RPRD2: variants seen among roughly 807,000 people sequenced by gnomAD.
RPRD2 encodes regulation of nuclear pre-mRNA domain-containing protein 2.
Under a neutral mutation model 104.4 loss-of-function variants are expected in RPRD2, and 12 were observed. That is an observed-to-expected ratio of 0.11 (90% CI 0.07 to 0.19). The LOEUF is 0.19. Ranked by LOEUF, RPRD2 falls within the 10% of genes least tolerant of loss-of-function variation. The pLI is 1.00. For synonymous variants in RPRD2, 714 were observed against 684.9 expected, an observed-to-expected ratio of 1.04 and a Z score of -0.66; for missense variants, 1,543 against 1,790.1, an observed-to-expected ratio of 0.86 and a Z score of 2.49.
chr1:150,460,061 C>T lies in RPRD2; in HGVS notation c.1155C>T (p.Val385=), dbSNP rs782476197. 6.2e-6 allele frequency: 10 copies of T among 1,613,416 alleles called. No individual in the cohort carries two copies. The highest frequency in any genetic ancestry group is 4.4e-5 in the South Asian group (4 of 91,056). ...DVEDDGSKII[V]EDRKEKPAEK... ...TATCTCTTTTCTTTGTTGAAACAGT[C>T]GAGGACAGGAAGGAAAAACCTGCAG... The change falls in exon 9 of 11, where the codon GTC becomes GTT. Residue 385 remains valine, a splice_region_variant and synonymous_variant. Coordinates refer to ENST00000369068, the MANE Select transcript of RPRD2 (RefSeq NM_015203.5).
chr1:150,372,506 G>C (rs1776281), intron 1 of RPRD2, among the ~76,000 whole-genome samples: 77 of 150,206 alleles, frequency 5.1e-4, no homozygotes, highest in African/African-American at 4.6e-4. Flanking sequence ...CACACACACA[G>C]ACACACACAC....
chr1:150,464,118 T>C (rs1187127536), intron 9 of RPRD2, among the ~76,000 whole-genome samples: 29 of 152,172 alleles, frequency 1.9e-4, no homozygotes, highest in Admixed American at 1.8e-3. Flanking sequence ...CAAATGATTC[T>C]CCTGCCTCAG....
In RPRD2 at chr1:150,446,834, T is replaced by TTC. The variant is rs1313340801; in HGVS notation, c.870+434_870+435insCT. Among the ~76,000 whole-genome samples the TTC allele has an allele frequency of 1.6e-4, 4 of 25,388 alleles. No individual in the cohort carries two copies. In the East Asian group the frequency reaches 1.7e-3, roughly 11 times the overall value. The allele number at this position is 25,388 out of a possible 152,430, so 16.7% of individuals were successfully genotyped here. Reference sequence around the variant, plus strand: ...TAAGTGGTAGAATAAGACCTGGGTCTTTTTTTTTTTTTTTTTGGAACGGAG... The same window carrying TTC: ...TAAGTGGTAGAATAAGACCTGGGTCTTCTTTTTTTTTTTTTTTTGGAACGGAG... On this transcript the variant is annotated intron_variant, in intron 7 of 10. Coordinates refer to ENST00000369068, the MANE Select transcript of RPRD2 (RefSeq NM_015203.5).
intron 1 of RPRD2, among the ~76,000 whole-genome samples, chr1:150,400,874 CT>C (rs200791134): frequency 9.4e-5 from 14 of 148,652 alleles, no homozygotes; most frequent in South Asian, 4.3e-4. Context: ...TTTCATAGTA[CT>C]TTTTTTTTTT....
intron 2 of RPRD2, among the ~76,000 whole-genome samples, chr1:150,437,929 G>C (rs1007780635): frequency 6.9e-6 from 1 of 144,594 alleles, no homozygotes; most frequent in Admixed American, 7.2e-5. Flanking sequence ...AACAGACTCT[G>C]TTGTCACTTC....
chr1:150,449,365 T>C (rs1667004529), intron 7 of RPRD2, among the ~76,000 whole-genome samples: 2 of 152,238 alleles, frequency 1.3e-5, no homozygotes, highest in African/African-American at 4.8e-5. Context: ...TCTTTGACTT[T>C]GCAGTGTTTA....
chr1:150,459,946 T>C (rs1667810675), intron 8 of RPRD2, 114 bp from the exon 9 acceptor site: 1 of 879,080 alleles, frequency 1.1e-6, no homozygotes, highest in Non-Finnish European at 1.7e-6. Context: ...CGTTGTTTTC[T>C]CTAAAGTAGT....
At chr1:150,464,938 C>T (rs1329902722) in intron 10 of RPRD2, among the ~76,000 whole-genome samples, 2 of 151,946 alleles carry the variant, frequency 1.3e-5, no homozygotes, top group African/African-American at 2.4e-5. Flanking sequence ...GGAGTGCTCT[C>T]GGCTCACTAC....
chr1:150,461,807 C>T (rs1324147129), intron 9 of RPRD2, among the ~76,000 whole-genome samples: 2 of 151,648 alleles, frequency 1.3e-5, no homozygotes, highest in African/African-American at 2.4e-5. Context: ...GGTAAAACCC[C>T]GTCTCTACTA....
At chr1:150,402,206 C>T (rs1410419472) in intron 1 of RPRD2, among the ~76,000 whole-genome samples, 3 of 152,082 alleles carry the variant, frequency 2.0e-5, no homozygotes, top group Non-Finnish European at 4.4e-5. Context: ...GATCCACTGG[C>T]CTCGGCCTCT....
At chr1:150,453,845 C>G (rs1667353461) in intron 7 of RPRD2, among the ~76,000 whole-genome samples, 1 of 152,166 alleles carries the variant, frequency 6.6e-6, no homozygotes, top group Non-Finnish European at 1.5e-5. Context: ...ACAGTTCACC[C>G]TTGTTTTGCT....
chr1:150,369,550 G>A (rs1235435614), intron 1 of RPRD2, among the ~76,000 whole-genome samples: 3 of 139,290 alleles, frequency 2.2e-5, no homozygotes, highest in South Asian at 2.3e-4. Context: ...TCCGCCTCCC[G>A]GGTTCACGCC....
At chr1:150,440,890 TTA>T (rs1553894297) in intron 2 of RPRD2, 31 bp from the exon 3 acceptor site, 2 of 1,068,744 alleles carry the variant, frequency 1.9e-6, no homozygotes, top group South Asian at 3.0e-5. Context: ...GTCAAGGTTT[TTA>T]TAGTCTGTAT....
chr1:150,466,082 G>A (rs938365519), intron 10 of RPRD2, among the ~76,000 whole-genome samples: 2 of 145,440 alleles, frequency 1.4e-5, no homozygotes, highest in Admixed American at 7.0e-5. Context: ...TCTCTACAAC[G>A]GAATTAAAAA....
Position 150,446,219 on chromosome 1 carries a change from A to G in RPRD2, c.695-7A>G, listed in dbSNP as rs587707185. 9 of 1,539,192 alleles carry G rather than the reference A, an allele frequency of 5.8e-6. No individual in the cohort carries two copies. Among genetic ancestry groups the G allele is most frequent in the East Asian group, 2.3e-5 (1 of 43,780 alleles). Reference sequence around the variant, plus strand: ...TCCTGAAATGAATATTTCCCATGTCATTTTAGATAAAACAGGTGGGAAGAA... The same window carrying G: ...TCCTGAAATGAATATTTCCCATGTCGTTTTAGATAAAACAGGTGGGAAGAA... On this transcript the variant is annotated splice_region_variant and splice_polypyrimidine_tract_variant and intron_variant, in intron 6 of 10. Coordinates refer to ENST00000369068, the MANE Select transcript of RPRD2 (RefSeq NM_015203.5).
chr1:150,464,774 T>G, intron 10 of RPRD2, 47 bp downstream of exon 10: 2 of 1,432,108 alleles, frequency 1.4e-6, no homozygotes, highest in Non-Finnish European at 1.9e-6. Flanking sequence ...TGTTTGTCTC[T>G]GGCTTAAATT....
intron 1 of RPRD2, among the ~76,000 whole-genome samples, chr1:150,398,206 A>ATTTTATTTTATTTTATTTTT (rs1187194947): frequency 2.3e-5 from 3 of 129,784 alleles, no homozygotes; most frequent in African/African-American, 8.7e-5. Context: ...ATTTTATTTT[A>ATTTTATTTTATTTTATTTTT]TTTTTTTTGA....
At position 150,364,601 on chromosome 1, in the gene RPRD2, G is replaced by C. The variant is rs1659682682; in HGVS notation, c.-114G>C. 9.7e-6 allele frequency: 6 copies of C among 621,378 alleles called. No individual in the cohort carries two copies. Among genetic ancestry groups the C allele is most frequent in the Non-Finnish European group, 1.1e-5 (4 of 356,960 alleles). 38.5% of individuals were successfully genotyped at this position (621,378 alleles called of 1,614,324 possible). Reference sequence around the variant, plus strand: ...GCGCGTGCACCATCCCCACCCCCTAGCTTCCCTCCCCACCTACGGCTTTCA... The same window carrying C: ...GCGCGTGCACCATCCCCACCCCCTACCTTCCCTCCCCACCTACGGCTTTCA... On this transcript the variant is annotated 5_prime_UTR_variant, in exon 1 of 11. Transcript: ENST00000369068.
Position 150,446,067 on chromosome 1 carries a change from C to CAAAA in RPRD2, c.695-147_695-144dup, listed in dbSNP as rs5777728. Among the ~76,000 whole-genome samples, 180 of 93,132 alleles carry CAAAA rather than the reference C, an allele frequency of 1.9e-3. 5 individuals are homozygous for CAAAA. Among genetic ancestry groups the CAAAA allele is most frequent in the African/African-American group, 4.1e-3 (112 of 27,572 alleles). The allele number at this position is 93,132 out of a possible 152,430, so 61.1% of individuals were successfully genotyped here. On this transcript the variant is annotated intron_variant, in intron 6 of 10. Transcript: ENST00000369068. ...TGGGCGACAGAGTGAGACTCCGTCT[C>CAAAA]AAAAAAAAAAAAAAAGAAAGAAACT...
Sources: gnomAD v4.1 joint callset for allele counts (sites outside exome capture counted in the v4.1 genomes callset) on GRCh38, gnomAD v4.1.1 for gene constraint, MANE v1.5 for transcripts, NCBI Gene and HGNC (gene_info 2026-07-23, HGNC 2026-07-21) for gene names.